LOX: variants seen among roughly 807,000 people sequenced by gnomAD.
The protein encoded by LOX is lysyl oxidase, also known as protein-lysine 6-oxidase.
LOX carries 12 observed loss-of-function variants against 50.5 expected under a neutral mutation model. The ratio of observed to expected loss-of-function variants is 0.24; its 90% CI spans 0.15 to 0.38. The LOEUF (loss-of-function observed/expected upper bound fraction) is 0.38, where lower values mean the gene tolerates loss of function less well. Ranked by LOEUF, LOX falls within the 10% of genes least tolerant of loss-of-function variation. LOX has a pLI of 1.00. For synonymous variants in LOX, 254 were observed against 230.6 expected, an observed-to-expected ratio of 1.10 and a Z score of -0.92; for missense variants, 504 against 563.8, an observed-to-expected ratio of 0.89 and a Z score of 1.07.
chr5:122,074,005 C>T lies in LOX; in HGVS notation c.1035+8G>A, dbSNP rs1272253039. 2 of 1,609,054 alleles carry T rather than the reference C, an allele frequency of 1.2e-6. No homozygotes were observed. The highest frequency in any genetic ancestry group is 1.3e-5 in the African/African-American group (1 of 74,970). ...CTTGAGGTTCTGGATTTCAGGGTGCCAACATACCTGTGTGTGTGCAGTACA... is the reference window on the plus strand; with the variant it reads ...CTTGAGGTTCTGGATTTCAGGGTGCTAACATACCTGTGTGTGTGCAGTACA... On this transcript the variant is annotated splice_region_variant and intron_variant, in intron 4 of 6. Coordinates refer to ENST00000231004, the MANE Select transcript of LOX (RefSeq NM_002317.7).
intron 2 of LOX, 31 bp downstream of exon 2, chr5:122,076,862 G>A (rs1283976705): frequency 6.2e-7 from 1 of 1,602,528 alleles, no homozygotes; most frequent in Non-Finnish European, 8.5e-7. Flanking sequence ...GGTAGACCGG[G>A]GAGCGGGGCC....
chr5:122,077,293 G>C lies in LOX; in HGVS notation c.631+62C>G. 1 of 1,604,138 alleles carries C rather than the reference G, an allele frequency of 6.2e-7. No individual in the cohort carries two copies. Among genetic ancestry groups the C allele is most frequent in the Non-Finnish European group, 8.5e-7 (1 of 1,175,326 alleles). ...CCCGCCGCGCCCAGGCAGCCACGTCGAGAAGCCACATAGCTGGGGACCAGG... is the reference window on the plus strand; with the variant it reads ...CCCGCCGCGCCCAGGCAGCCACGTCCAGAAGCCACATAGCTGGGGACCAGG... On this transcript the variant is annotated intron_variant, in intron 1 of 6. Coordinates refer to ENST00000231004, the MANE Select transcript of LOX (RefSeq NM_002317.7). The surrounding 1 kb of genome is among the most constrained non-coding windows in gnomAD (Gnocchi z 4.9).
chr5:122,075,404 T>C lies in LOX; in HGVS notation c.878A>G (p.Gln293Arg). The change falls in exon 3 of 7, where the codon CAA becomes CGA. Residue 293 changes from glutamine to arginine, a missense_variant and splice_region_variant. Physicochemically the swap from Gln to Arg is conservative, Grantham distance 43. Coordinates refer to ENST00000231004, the MANE Select transcript of LOX (RefSeq NM_002317.7). The part of the protein sequence containing the change: ...RYSWEWHSCH[Q>R]HYHSMDEFSH... ...GTACCCAGGAGGCCCATTTACTTAC[T>C]GATGACAACTGTGCCATTCCCAGGA... 2 of 1,602,168 alleles carry C rather than the reference T, an allele frequency of 1.2e-6. No individual in the cohort carries two copies. The highest frequency in any genetic ancestry group is 1.7e-6 in the Non-Finnish European group (2 of 1,176,550).
Position 122,077,476 on chromosome 5 carries a change from G to A in LOX, c.510C>T (p.Asp170=). 1.2e-6 allele frequency: 2 copies of A among 1,614,048 alleles called. No individual in the cohort carries two copies. The highest frequency in any genetic ancestry group is 1.7e-6 in the Non-Finnish European group (2 of 1,180,006). ...CAGAGTACTTGTAGGGGTTGTAAGG[G>A]TCGTCGCCCACCATGCCGTCCACGC... ...PSRVDGMVGD[D]PYNPYKYSDD... Residue 170 remains aspartate (D), a synonymous_variant, in exon 1 of 7, where the codon GAC becomes GAT. Coordinates refer to ENST00000231004, the MANE Select transcript of LOX (RefSeq NM_002317.7). This position sits in a 1 kb window ranked among gnomAD's most constrained non-coding sequence, Gnocchi z 4.9.
At chr5:122,068,379 CAGTA>C (rs747114875) in intron 6 of LOX, among the ~76,000 whole-genome samples, 3 of 152,062 alleles carry the variant, frequency 2.0e-5, no homozygotes, top group Non-Finnish European at 4.4e-5. Flanking sequence ...AGTGGGAAGT[CAGTA>C]AGACATAGTT....
At chr5:122,071,927 G>A (rs769259111) in intron 4 of LOX, among the ~76,000 whole-genome samples, 1 of 152,126 alleles carries the variant, frequency 6.6e-6, no homozygotes, top group Non-Finnish European at 1.5e-5. Flanking sequence ...CAGTGTCACA[G>A]CAGTGAGACT....
Position 122,077,323 on chromosome 5 carries a change from C to T in LOX, c.631+32G>A. 1 of 1,612,992 alleles carries T rather than the reference C, an allele frequency of 6.2e-7. No individual in the cohort carries two copies. Among genetic ancestry groups the T allele is most frequent in the South Asian group, 1.1e-5 (1 of 90,908 alleles). On this transcript the variant is annotated intron_variant, in intron 1 of 6. Transcript: ENST00000231004. This position sits in a 1 kb window ranked among gnomAD's most constrained non-coding sequence, Gnocchi z 4.9. ...GCCACATAGCTGGGGACCAGGTGCA[C>T]GGGTGCTTCCAGCGGACTTGGGGGT...
At position 122,069,068 on chromosome 5, in the gene LOX, A is replaced by G. The variant is rs558589343; in HGVS notation, c.1247+985T>C. Among the ~76,000 whole-genome samples the G allele has an allele frequency of 2.6e-5, 4 of 152,200 alleles. No individual in the cohort carries two copies. In the South Asian group the frequency reaches 6.2e-4, roughly 24 times the overall value. On this transcript the variant is annotated intron_variant, in intron 6 of 6. Coordinates refer to ENST00000231004, the MANE Select transcript of LOX (RefSeq NM_002317.7). ...GTTTTTTCAGTGCTATCCTTTTGCT[A>G]TCACAGGCTTCATCTATCTCTAATG...
At chr5:122,073,486 C>T (rs1275380438) in intron 4 of LOX, among the ~76,000 whole-genome samples, 1 of 152,188 alleles carries the variant, frequency 6.6e-6, no homozygotes, top group Non-Finnish European at 1.5e-5. Context: ...TTGCTAACCG[C>T]AACCACTATT....
chr5:122,072,832 C>T (rs757297153), intron 4 of LOX, among the ~76,000 whole-genome samples: 1 of 152,318 alleles, frequency 6.6e-6, no homozygotes, highest in Admixed American at 6.5e-5. Context: ...ACAATCCCAG[C>T]TTCAAATATT....
intron 4 of LOX, among the ~76,000 whole-genome samples, chr5:122,072,002 T>C (rs1754465611): frequency 6.6e-6 from 1 of 152,190 alleles, no homozygotes; most frequent in African/African-American, 2.4e-5. Context: ...GTATGTTGAG[T>C]AGTAAATATA....
At chr5:122,069,523 C>A (rs867434810) in intron 6 of LOX, among the ~76,000 whole-genome samples, 6 of 152,012 alleles carry the variant, frequency 3.9e-5, no homozygotes, top group East Asian at 1.9e-4. Flanking sequence ...TATGAAGAAA[C>A]CTCCACACAC....
intron 2 of LOX, among the ~76,000 whole-genome samples, chr5:122,076,344 T>A (rs1313452826): frequency 6.6e-6 from 1 of 152,162 alleles, no homozygotes; most frequent in Admixed American, 6.5e-5. Flanking sequence ...AGAACCCCAA[T>A]CCCAGAGTTA....
In LOX at chr5:122,065,313, C is replaced by T. The variant is rs1371373202; in HGVS notation, c.*1430G>A. 6.6e-6 allele frequency: 1 copy of T among 152,014 alleles called. No homozygotes were observed. The highest frequency in any genetic ancestry group is 1.5e-5 in the Non-Finnish European group (1 of 67,968). The allele number at this position is 152,014 out of a possible 1,614,324, so 9.4% of individuals were successfully genotyped here. A position where few individuals can be genotyped will look rare whatever the true frequency, so the allele number is the denominator to read the frequency against. ...GGATGCCGAGGCACTTTTAAAATTC[C>T]ACCTAACATGTTCTGGCACTGGAAA... is the stretch of plus-strand genomic sequence containing the variant. On this transcript the variant is annotated 3_prime_UTR_variant, in exon 7 of 7. Transcript: ENST00000231004.
Position 122,077,104 on chromosome 5 carries a change from G to C in LOX, c.632-103C>G. 1 of 1,519,950 alleles carries C rather than the reference G, an allele frequency of 6.6e-7. No homozygotes were observed. The highest frequency in any genetic ancestry group is 8.8e-7 in the Non-Finnish European group (1 of 1,138,220). 94.2% of individuals were successfully genotyped at this position (1,519,950 alleles called of 1,614,324 possible). ...CCTTACTCCTCACCCTTCGCCCACC[G>C]GGACTGCAGAGTGGAGCGGAGGACA... On this transcript the variant is annotated intron_variant, in intron 1 of 6. Transcript: ENST00000231004. This position sits in a 1 kb window ranked among gnomAD's most constrained non-coding sequence, Gnocchi z 4.9.
chr5:122,075,931 G>A (rs552713936), intron 2 of LOX: 2 of 153,142 alleles, frequency 1.3e-5, no homozygotes, highest in African/African-American at 4.8e-5. Context: ...ATAATTCATA[G>A]ATGTTTATTA....
At chr5:122,074,386 G>C (rs1471597897) in intron 3 of LOX, among the ~76,000 whole-genome samples, 1 of 152,096 alleles carries the variant, frequency 6.6e-6, no homozygotes, top group Non-Finnish European at 1.5e-5. Flanking sequence ...TAGGACAAAA[G>C]ACTTAGTTCA....
chr5:122,074,038 C>T lies in LOX; in HGVS notation c.1010G>A (p.Arg337Gln), dbSNP rs1748578770. 1.2e-6 allele frequency: 2 copies of T among 1,614,038 alleles called. No individual in the cohort carries two copies. Among genetic ancestry groups the T allele is most frequent in the East Asian group, 2.2e-5 (1 of 44,868 alleles). ...DTSCDYGYHRRFACTAHTQGL... is the reference protein window; with the variant it reads ...DTSCDYGYHRQFACTAHTQGL... ...CTGTGTGTGTGCAGTACATGCAAATCGCCTGTGGTAGCCATAGTCACAGGA... is the reference window on the plus strand; with the variant it reads ...CTGTGTGTGTGCAGTACATGCAAATTGCCTGTGGTAGCCATAGTCACAGGA... The change falls in exon 4 of 7, where the codon CGA (arginine) becomes CAA (glutamine). Residue 337 changes from arginine (R) to glutamine (Q), a missense_variant. By Grantham distance (43) the Arg-to-Gln change is conservative. Coordinates refer to ENST00000231004, the MANE Select transcript of LOX (RefSeq NM_002317.7).
intron 2 of LOX, 49 bp from the exon 3 acceptor site, chr5:122,075,590 A>G (rs761177866): frequency 6.2e-6 from 8 of 1,286,816 alleles, no homozygotes; most frequent in East Asian, 2.4e-5. Context: ...AATATTAACT[A>G]AAGACAAAAC....
Sources: gnomAD v4.1 joint callset for allele counts (sites outside exome capture counted in the v4.1 genomes callset) on GRCh38, gnomAD v4.1.1 for gene constraint, Gnocchi (gnomAD v3.1) non-coding constraint, MANE v1.5 for transcripts, NCBI Gene and HGNC (gene_info 2026-07-23, HGNC 2026-07-21) for gene names.